Variants in MYT1L observed in about 807,000 individuals in gnomAD.
MYT1L encodes myelin transcription factor 1 like, also known as myelin transcription factor 1-like protein.
A neutral mutation model predicts 126.7 loss-of-function variants in MYT1L; 12 were observed. The observed-to-expected ratio is 0.09, with a 90% CI of 0.06 to 0.15. MYT1L has a LOEUF of 0.15. MYT1L is among the 10% of genes least tolerant of loss of function. The pLI is 1.00. For synonymous variants in MYT1L, 541 were observed against 604.2 expected (o/e 0.90, Z 1.53); for missense variants, 979 against 1,585.2 (o/e 0.62, Z 6.49).
chr2:2,204,893 A>G (rs1353860256), intron 2 of MYT1L, among the ~76,000 whole-genome samples: 1 of 152,000 alleles, frequency 6.6e-6, no homozygotes, highest in Non-Finnish European at 1.5e-5. Flanking sequence ...CTGGATTAAG[A>G]AAATGTGGCA....
intron 14 of MYT1L, among the ~76,000 whole-genome samples, chr2:1,901,578 AATT>A (rs1274108451): frequency 6.6e-6 from 1 of 152,222 alleles, no homozygotes; most frequent in Non-Finnish European, 1.5e-5. Context: ...TATACAAATA[AATT>A]ATTATTAAGG....
intron 3 of MYT1L, among the ~76,000 whole-genome samples, chr2:2,063,973 G>A (rs768461252): frequency 6.6e-6 from 1 of 152,062 alleles, no homozygotes; most frequent in Non-Finnish European, 1.5e-5. Flanking sequence ...CCATGAGATC[G>A]GACACATAAG....
At chr2:2,080,307 A>G (rs1272873415) in intron 3 of MYT1L, among the ~76,000 whole-genome samples, 1 of 152,238 alleles carries the variant, frequency 6.6e-6, no homozygotes, top group Non-Finnish European at 1.5e-5. Flanking sequence ...GATAAGAGAA[A>G]AAAAAAGCAA....
chr2:2,207,425 C>T (rs906994701), intron 2 of MYT1L, among the ~76,000 whole-genome samples: 3 of 152,186 alleles, frequency 2.0e-5, no homozygotes, highest in Admixed American at 6.5e-5. Context: ...GAGGAATTGG[C>T]AGCCTGAACC....
intron 3 of MYT1L, among the ~76,000 whole-genome samples, chr2:2,155,582 G>C (rs560591019): frequency 6.6e-6 from 1 of 152,000 alleles, no homozygotes. Context: ...TTTGAACCCA[G>C]GTCTTGCTAA....
At chr2:1,869,563 G>C (rs2046021504) in intron 18 of MYT1L, among the ~76,000 whole-genome samples, 3 of 152,222 alleles carry the variant, frequency 2.0e-5, no homozygotes, top group Admixed American at 2.0e-4. Flanking sequence ...CTGGTTTCGG[G>C]GAGAAGCATT....
intron 3 of MYT1L, among the ~76,000 whole-genome samples, chr2:2,057,993 G>A (rs1179591922): frequency 6.6e-6 from 1 of 152,146 alleles, no homozygotes; most frequent in Non-Finnish European, 1.5e-5. Flanking sequence ...GCAATTACAT[G>A]GCTAGCTTTA....
At chr2:1,908,874 C>G (rs2051485949) in intron 13 of MYT1L, among the ~76,000 whole-genome samples, 2 of 152,178 alleles carry the variant, frequency 1.3e-5, no homozygotes, top group African/African-American at 4.8e-5. Context: ...GTAGCTGTGC[C>G]ACAATTTATT....
At chr2:1,998,890 A>T (rs1249225697) in intron 4 of MYT1L, among the ~76,000 whole-genome samples, 1 of 151,980 alleles carries the variant, frequency 6.6e-6, no homozygotes, top group Non-Finnish European at 1.5e-5. Context: ...CACTGGGGGA[A>T]AAAAAAAGAA....
intron 4 of MYT1L, among the ~76,000 whole-genome samples, chr2:2,050,055 G>C (rs183785543): frequency 1.4e-3 from 219 of 152,124 alleles, no homozygotes; most frequent in African/African-American, 5.0e-3. Flanking sequence ...TTAGAACCAA[G>C]CTTGGTACAG....
intron 3 of MYT1L, among the ~76,000 whole-genome samples, chr2:2,121,228 A>ACGG (rs2080957224): frequency 6.6e-6 from 1 of 151,540 alleles, no homozygotes; most frequent in Non-Finnish European, 1.5e-5. Context: ...CTGGAGTGCA[A>ACGG]CGGCGCGGTC....
At chr2:2,156,062 T>C (rs970542384) in intron 3 of MYT1L, among the ~76,000 whole-genome samples, 1 of 152,222 alleles carries the variant, frequency 6.6e-6, no homozygotes, top group African/African-American at 2.4e-5. Flanking sequence ...TGTAGGTGGA[T>C]AAATAAATTT....
At chr2:2,184,552 C>G (rs1302715767) in intron 2 of MYT1L, among the ~76,000 whole-genome samples, 1 of 152,102 alleles carries the variant, frequency 6.6e-6, no homozygotes, top group East Asian at 1.9e-4. Context: ...ATGATTTCAT[C>G]AAGTAAAAAT....
intron 5 of MYT1L, among the ~76,000 whole-genome samples, chr2:1,984,847 T>C (rs894868486): frequency 6.6e-6 from 1 of 152,076 alleles, no homozygotes; most frequent in Non-Finnish European, 1.5e-5. Flanking sequence ...TTTCATAAAC[T>C]CAGTAAAATC....
Position 2,107,126 on chromosome 2 carries a change from C to A in MYT1L, c.-303-53003G>T, listed in dbSNP as rs114634173. Among the ~76,000 whole-genome samples, 850 of 152,330 alleles carry A rather than the reference C, an allele frequency of 5.6e-3. 5 individuals carry two copies. Among genetic ancestry groups the A allele is most frequent in the African/African-American group, 0.02 (813 of 41,564 alleles). On this transcript the variant is annotated intron_variant, in intron 3 of 24. Coordinates refer to ENST00000647738, the MANE Select transcript of MYT1L (RefSeq NM_001303052.2). ...CCAGCCCAGGACCTGGCACACAGTT[C>A]AGAAGCAGTCAGTGGTGGCAAAAAA...
chr2:1,910,180 C>T lies in MYT1L; in HGVS notation c.1817+60G>A. 1.3e-6 allele frequency: 2 copies of T among 1,492,456 alleles called. No individual in the cohort carries two copies. The highest frequency in any genetic ancestry group is 3.4e-5 in the Admixed American group (2 of 58,588). 92.5% of individuals were successfully genotyped at this position (1,492,456 alleles called of 1,614,324 possible). A position where few individuals can be genotyped will look rare whatever the true frequency, so the allele number is the denominator to read the frequency against. On this transcript the variant is annotated intron_variant, in intron 13 of 24. Transcript: ENST00000647738. The surrounding 1 kb of genome is among the most constrained non-coding windows in gnomAD (Gnocchi z 4.8). Reference sequence around the variant, plus strand: ...ATGCCCTGAGCGGGTGTCCCCAGCGCTCCGAGGTGTGGGGCAGACTATGGA... The same window carrying T: ...ATGCCCTGAGCGGGTGTCCCCAGCGTTCCGAGGTGTGGGGCAGACTATGGA...
At chr2:1,813,113 A>G (rs2036956353) in intron 21 of MYT1L, among the ~76,000 whole-genome samples, 1 of 151,638 alleles carries the variant, frequency 6.6e-6, no homozygotes, top group South Asian at 2.1e-4. Flanking sequence ...CGCCGTCTGA[A>G]CCTCCGCAGC....
intron 1 of MYT1L, among the ~76,000 whole-genome samples, chr2:2,320,344 C>A (rs192665519): frequency 2.1e-3 from 319 of 152,080 alleles, no homozygotes; most frequent in African/African-American, 7.1e-3. Flanking sequence ...TGCGAAAGTG[C>A]TCATACAGTA....
At chr2:2,274,679 C>G (rs574456576) in intron 2 of MYT1L, among the ~76,000 whole-genome samples, 30 of 152,276 alleles carry the variant, frequency 2.0e-4, no homozygotes, top group African/African-American at 6.7e-4. Flanking sequence ...TCCAGCTATA[C>G]AGTTGCAATG....
Sources: gnomAD v4.1 joint callset for allele counts (sites outside exome capture counted in the v4.1 genomes callset) on GRCh38, gnomAD v4.1.1 for gene constraint, Gnocchi (gnomAD v3.1) non-coding constraint, MANE v1.5 for transcripts, NCBI Gene and HGNC (gene_info 2026-07-23, HGNC 2026-07-21) for gene names.